EXOC6B: variants seen among roughly 807,000 people sequenced by gnomAD.
The protein encoded by EXOC6B is exocyst complex component 6B.
In EXOC6B, 54 loss-of-function variants were observed where a neutral mutation model predicts 113.5. That is an observed-to-expected ratio of 0.48 (90% CI 0.38 to 0.60). The LOEUF (loss-of-function observed/expected upper bound fraction) is 0.60. Ranked by LOEUF, EXOC6B falls within the 20% of genes least tolerant of loss-of-function variation. The pLI, the probability that EXOC6B is intolerant of heterozygous loss-of-function variation, is 0.00. For synonymous variants in EXOC6B, 357 were observed against 339.0 expected, an observed-to-expected ratio of 1.05 and a Z score of -0.58; for missense variants, 797 against 977.5, an observed-to-expected ratio of 0.82 and a Z score of 2.46.
intron 18 of EXOC6B, among the ~76,000 whole-genome samples, chr2:72,406,021 A>G (rs1395218303): frequency 6.6e-6 from 1 of 152,204 alleles, no homozygotes. Flanking sequence ...TACCAAGCAA[A>G]TGGAAAATAA....
chr2:72,610,625 C>G (rs556397971), intron 6 of EXOC6B, among the ~76,000 whole-genome samples: 149 of 152,220 alleles, frequency 9.8e-4, no homozygotes, highest in African/African-American at 3.6e-3. Flanking sequence ...TGGGTCCATA[C>G]TGATATAAAC....
At chr2:72,795,673 T>C (rs944127146) in intron 1 of EXOC6B, among the ~76,000 whole-genome samples, 5 of 152,196 alleles carry the variant, frequency 3.3e-5, no homozygotes, top group Non-Finnish European at 7.3e-5. Context: ...AAGATGCCCA[T>C]GTCCTAATCA....
At chr2:72,690,226 G>C (rs534892322) in intron 6 of EXOC6B, among the ~76,000 whole-genome samples, 65 of 152,298 alleles carry the variant, frequency 4.3e-4, no homozygotes, top group Middle Eastern at 3.4e-3. Context: ...AAGGATAGCA[G>C]TGTTATAATT....
intron 6 of EXOC6B, among the ~76,000 whole-genome samples, chr2:72,586,094 T>G (rs1231613862): frequency 2.0e-5 from 3 of 152,054 alleles, no homozygotes; most frequent in African/African-American, 7.3e-5. Flanking sequence ...ATACAAAAAT[T>G]AACTATGATG....
intron 20 of EXOC6B, among the ~76,000 whole-genome samples, chr2:72,211,137 C>A (rs1680162307): frequency 6.6e-6 from 1 of 152,158 alleles, no homozygotes; most frequent in Non-Finnish European, 1.5e-5. Flanking sequence ...CGCCTGCAAC[C>A]TGTAAGACTC....
chr2:72,755,851 G>A (rs990138618), intron 1 of EXOC6B, among the ~76,000 whole-genome samples: 6 of 151,922 alleles, frequency 3.9e-5, no homozygotes, highest in South Asian at 4.2e-4. Flanking sequence ...CAGTCCCTAC[G>A]GGCTTTTAGA....
Position 72,542,216 on chromosome 2 carries a change from C to T in EXOC6B, c.915+17237G>A, listed in dbSNP as rs1702642588. 3.3e-5 allele frequency among the ~76,000 whole-genome samples: 5 copies of T among 152,076 alleles called. No homozygotes were observed. In the South Asian group the frequency reaches 1.0e-3, roughly 31 times the overall value. ...TCATTTCACAATTATTTATTCAGCTCCTTCTATGTGGTGAGAATAACCCAG... is the reference window on the plus strand; with the variant it reads ...TCATTTCACAATTATTTATTCAGCTTCTTCTATGTGGTGAGAATAACCCAG... On this transcript the variant is annotated intron_variant, in intron 8 of 21. Coordinates refer to ENST00000272427, the MANE Select transcript of EXOC6B (RefSeq NM_015189.3).
intron 20 of EXOC6B, among the ~76,000 whole-genome samples, chr2:72,255,036 A>ATT (rs1284452978): frequency 5.3e-5 from 8 of 152,222 alleles, no homozygotes; most frequent in Non-Finnish European, 1.0e-4. Context: ...ACACTTAAAG[A>ATT]AAGTATGCTG....
chr2:72,294,985 C>A (rs1428766686), intron 20 of EXOC6B, among the ~76,000 whole-genome samples: 2 of 152,066 alleles, frequency 1.3e-5, no homozygotes, highest in African/African-American at 4.8e-5. Context: ...GTAATCCCAG[C>A]ACTTTGGGAG....
At chr2:72,685,949 G>A (rs900881335) in intron 6 of EXOC6B, among the ~76,000 whole-genome samples, 5 of 151,950 alleles carry the variant, frequency 3.3e-5, no homozygotes, top group African/African-American at 9.7e-5. Flanking sequence ...TTTTTGAAGG[G>A]GTTTATTTAT....
At chr2:72,448,903 G>A (rs1318423975) in intron 18 of EXOC6B, among the ~76,000 whole-genome samples, 1 of 152,176 alleles carries the variant, frequency 6.6e-6, no homozygotes, top group Non-Finnish European at 1.5e-5. Context: ...AGATGGCTAA[G>A]TCTTTTGGGC....
chr2:72,301,107 AT>A (rs151257536), intron 20 of EXOC6B, among the ~76,000 whole-genome samples: 35,416 of 151,936 alleles, frequency 0.23, 8,236 homozygotes, highest in African/African-American at 0.61. Flanking sequence ...TAATCATGTG[AT>A]TTTTTGCCTT....
rs557695324 is a variant in EXOC6B at position 72,729,446 on chromosome 2, T to C, written c.464+1561A>G. 3.3e-5 allele frequency among the ~76,000 whole-genome samples: 5 copies of C among 150,096 alleles called. No homozygotes were observed. In the South Asian group the frequency reaches 6.3e-4, roughly 19 times the overall value. The stretch of plus-strand genomic sequence containing the variant: ...TTTTTTTTTTGAGACAGATTCACTC[T>C]GTCACCCAGGCTGGAGCTCAGTGGT... On this transcript the variant is annotated intron_variant, in intron 5 of 21. Transcript: ENST00000272427.
intron 20 of EXOC6B, among the ~76,000 whole-genome samples, chr2:72,211,862 T>TTTGGTAACACTG (rs1454163085): frequency 7.2e-5 from 11 of 152,212 alleles, no homozygotes; most frequent in African/African-American, 2.2e-4. Flanking sequence ...TGACTTTTTC[T>TTTGGTAACACTG]GTTACCCAGT....
intron 19 of EXOC6B, among the ~76,000 whole-genome samples, chr2:72,339,159 G>A (rs1004665706): frequency 6.6e-6 from 1 of 152,082 alleles, no homozygotes; most frequent in East Asian, 1.9e-4. Context: ...GAGGCTCCCA[G>A]ACTCTTGTAA....
intron 19 of EXOC6B, among the ~76,000 whole-genome samples, chr2:72,368,009 G>A (rs1690746863): frequency 6.6e-6 from 1 of 152,124 alleles, no homozygotes; most frequent in African/African-American, 2.4e-5. Context: ...TTAGTGTTGG[G>A]CTGGGCTCAG....
chr2:72,760,325 A>G (rs1682664973), intron 1 of EXOC6B, among the ~76,000 whole-genome samples: 1 of 152,208 alleles, frequency 6.6e-6, no homozygotes, highest in Admixed American at 6.5e-5. Context: ...TTAGGTTTCA[A>G]GACAGTGTTA....
intron 18 of EXOC6B, among the ~76,000 whole-genome samples, chr2:72,446,819 T>C (rs1337197751): frequency 1.3e-5 from 2 of 152,134 alleles, no homozygotes; most frequent in African/African-American, 4.8e-5. Flanking sequence ...TAACAGAATT[T>C]AAGAATGTTG....
intron 17 of EXOC6B, among the ~76,000 whole-genome samples, chr2:72,472,326 C>T (rs1331797184): frequency 6.6e-6 from 1 of 152,086 alleles, no homozygotes; most frequent in African/African-American, 2.4e-5. Context: ...GGTGGTGAAT[C>T]CACCTGGTTC....
Sources: allele counts gnomAD v4.1 joint callset (sites outside exome capture counted in the v4.1 genomes callset), GRCh38; gene constraint gnomAD v4.1.1; transcripts MANE v1.5; gene names NCBI Gene and HGNC (gene_info 2026-07-23, HGNC 2026-07-21).